KCNH8: variants seen among roughly 807,000 people sequenced by gnomAD.
KCNH8 encodes the protein potassium voltage-gated channel subfamily H member 8.
In KCNH8, 70 loss-of-function variants were observed where a neutral mutation model predicts 103.6. That is an observed-to-expected ratio of 0.68 (90% CI 0.56 to 0.82). The LOEUF is 0.82. KCNH8 is among the 40% of genes least tolerant of loss of function. The pLI is 0.00. For missense variants in KCNH8, 1,217 were observed against 1,329.9 expected (o/e 0.92, Z 1.32); for synonymous variants, 498 against 489.4 (o/e 1.02, Z -0.23).
chr3:19,277,360 T>G (rs2064689006), intron 2 of KCNH8, among the ~76,000 whole-genome samples: 1 of 152,066 alleles, frequency 6.6e-6, no homozygotes, highest in Admixed American at 6.6e-5. Context: ...CACCGGAGTT[T>G]GAGACCAGCG....
chr3:19,349,929 A>AT (rs2065777265), intron 5 of KCNH8, among the ~76,000 whole-genome samples: 1 of 152,000 alleles, frequency 6.6e-6, no homozygotes, highest in Non-Finnish European at 1.5e-5. Flanking sequence ...ACCCATTCCA[A>AT]TTTTTTTGGT....
intron 3 of KCNH8, among the ~76,000 whole-genome samples, chr3:19,284,887 GGAAA>G (rs1399422807): frequency 6.8e-6 from 1 of 147,002 alleles, no homozygotes; most frequent in African/African-American, 2.6e-5. Flanking sequence ...AAAAAGAAAA[GGAAA>G]GAAAGAAAAG....
At chr3:19,421,048 G>A (rs1217247029) in intron 7 of KCNH8, among the ~76,000 whole-genome samples, 1 of 152,154 alleles carries the variant, frequency 6.6e-6, no homozygotes, top group Non-Finnish European at 1.5e-5. Flanking sequence ...TCACTGCCAA[G>A]TTATAGAATT....
chr3:19,293,202 CAG>C (rs1472574401), intron 3 of KCNH8, among the ~76,000 whole-genome samples: 1 of 152,008 alleles, frequency 6.6e-6, no homozygotes, highest in Non-Finnish European at 1.5e-5. Context: ...GAGATGGAGA[CAG>C]GGTAAAGTTC....
intron 3 of KCNH8, among the ~76,000 whole-genome samples, chr3:19,318,250 G>A (rs2065300854): frequency 6.6e-6 from 1 of 151,714 alleles, no homozygotes; most frequent in Non-Finnish European, 1.5e-5. Flanking sequence ...AGAAATACCT[G>A]AGACTGGGCA....
intron 15 of KCNH8, among the ~76,000 whole-genome samples, chr3:19,518,631 T>C (rs1341723849): frequency 1.3e-5 from 2 of 152,040 alleles, no homozygotes; most frequent in Non-Finnish European, 2.9e-5. Context: ...ATTTCACCAA[T>C]ACAATCCAGT....
chr3:19,290,315 T>G (rs2064900189), intron 3 of KCNH8, among the ~76,000 whole-genome samples: 1 of 152,202 alleles, frequency 6.6e-6, no homozygotes, highest in South Asian at 2.1e-4. Flanking sequence ...GGCATCCCTG[T>G]CTTGTGCCAG....
intron 1 of KCNH8, among the ~76,000 whole-genome samples, chr3:19,157,182 A>G (rs191294990): frequency 6.6e-6 from 1 of 152,194 alleles, no homozygotes; most frequent in Admixed American, 6.6e-5. Context: ...TGAAATGCCA[A>G]ATATCCAGTT....
At chr3:19,257,540 C>A (rs974358687) in intron 2 of KCNH8, among the ~76,000 whole-genome samples, 1 of 152,154 alleles carries the variant, frequency 6.6e-6, no homozygotes, top group Non-Finnish European at 1.5e-5. Context: ...GCATGAAAGA[C>A]CATCATGATT....
intron 4 of KCNH8, among the ~76,000 whole-genome samples, chr3:19,345,823 T>A (rs1405992443): frequency 6.6e-6 from 1 of 152,106 alleles, no homozygotes; most frequent in Non-Finnish European, 1.5e-5. Context: ...AGTATCTTTT[T>A]AAAATATTTT....
chr3:19,222,442 TAA>T (rs1322384744), intron 1 of KCNH8, among the ~76,000 whole-genome samples: 1 of 152,208 alleles, frequency 6.6e-6, no homozygotes, highest in Non-Finnish European at 1.5e-5. Flanking sequence ...AAGATGGTAA[TAA>T]AGTGTTTAAG....
intron 3 of KCNH8, among the ~76,000 whole-genome samples, chr3:19,293,082 C>T (rs1384503459): frequency 6.6e-6 from 1 of 152,102 alleles, no homozygotes; most frequent in Non-Finnish European, 1.5e-5. Context: ...GTCAAGGTAT[C>T]ATGTATTGAT....
At chr3:19,213,112 T>C (rs1575441144) in intron 1 of KCNH8, among the ~76,000 whole-genome samples, 2 of 152,228 alleles carry the variant, frequency 1.3e-5, no homozygotes, top group African/African-American at 2.4e-5. Flanking sequence ...AATGTAGGAA[T>C]CTCTACAGCA....
intron 10 of KCNH8, among the ~76,000 whole-genome samples, chr3:19,454,182 G>GTGTGTT (rs924664372): frequency 2.7e-5 from 4 of 148,744 alleles, no homozygotes; most frequent in African/African-American, 1.0e-4. Context: ...GTGTGTGTGT[G>GTGTGTT]TGTGTGTGTG....
At chr3:19,527,310 A>G (rs2069082594) in intron 15 of KCNH8, among the ~76,000 whole-genome samples, 1 of 152,074 alleles carries the variant, frequency 6.6e-6, no homozygotes, top group South Asian at 2.1e-4. Context: ...AGATAACGGT[A>G]GTTTCTATTT....
At chr3:19,210,723 T>C (rs555037710) in intron 1 of KCNH8, among the ~76,000 whole-genome samples, 7 of 152,072 alleles carry the variant, frequency 4.6e-5, no homozygotes, top group African/African-American at 1.7e-4. Context: ...AACCGGGCTG[T>C]CACATATGTT....
chr3:19,255,993 C>T (rs1016914805), intron 2 of KCNH8, among the ~76,000 whole-genome samples: 2 of 152,064 alleles, frequency 1.3e-5, no homozygotes, highest in African/African-American at 4.8e-5. Context: ...GTTTGAGTCA[C>T]TTATTTTGGG....
chr3:19,273,888 C>A (rs1207179045), intron 2 of KCNH8, among the ~76,000 whole-genome samples: 1 of 152,118 alleles, frequency 6.6e-6, no homozygotes, highest in African/African-American at 2.4e-5. Flanking sequence ...ACTAAAATAG[C>A]TGAATCTTGT....
chr3:19,365,780 T>C (rs1042725467), intron 5 of KCNH8, among the ~76,000 whole-genome samples: 1 of 151,956 alleles, frequency 6.6e-6, no homozygotes, highest in African/African-American at 2.4e-5. Context: ...AGGTTGCACG[T>C]AGAAAAATAA....
Sources: gnomAD v4.1 joint callset for allele counts (sites outside exome capture counted in the v4.1 genomes callset) on GRCh38, gnomAD v4.1.1 for gene constraint, MANE v1.5 for transcripts, NCBI Gene and HGNC (gene_info 2026-07-23, HGNC 2026-07-21) for gene names.